MFHAS1: variants seen among roughly 807,000 people sequenced by gnomAD.
MFHAS1 encodes multifunctional ROCO family signaling regulator 1.
A neutral mutation model predicts 70.4 loss-of-function variants in MFHAS1; 50 were observed. That is an observed-to-expected ratio of 0.71 (90% confidence interval 0.57 to 0.90). The LOEUF is 0.90. MFHAS1 is among the 40% of genes least tolerant of loss of function. MFHAS1 has a pLI of 0.00. For synonymous variants in MFHAS1, 952 were observed against 620.0 expected (o/e 1.54, Z -7.96); for missense variants, 1,795 against 1,347.6 (o/e 1.33, Z -5.20).
chr8:8,850,087 G>A (rs1219920546), intron 1 of MFHAS1, among the ~76,000 whole-genome samples: 3 of 152,192 alleles, frequency 2.0e-5, no homozygotes, highest in Non-Finnish European at 4.4e-5. Context: ...TATGATTCTT[G>A]ACTAGGTTTG....
chr8:8,893,008 G>A lies in MFHAS1; in HGVS notation c.51C>T (p.Asp17=), dbSNP rs1406019488. The A allele has an allele frequency of 6.5e-7, 1 of 1,534,240 alleles. No homozygotes were observed. The highest frequency in any genetic ancestry group is 1.4e-5 in the African/African-American group (1 of 70,190). Residue 17 remains aspartate, a synonymous_variant, in exon 1 of 3, where the codon GAC becomes GAT. Transcript: ENST00000276282. ...GCAGCTTCCTGGCACGCAGGGCGGC[G>A]TCCCGCCACAGCCTCGCGGTCTTCA... ...GNLKTARLWR[D]AALRARKLRS... is the part of the protein sequence containing the mutation.
chr8:8,794,828 G>A (rs936882570), intron 2 of MFHAS1, among the ~76,000 whole-genome samples: 3 of 152,110 alleles, frequency 2.0e-5, no homozygotes, highest in African/African-American at 7.2e-5. Context: ...GATGTCTGGC[G>A]CCATGTACCG....
chr8:8,867,528 A>G (rs995134964), intron 1 of MFHAS1, among the ~76,000 whole-genome samples: 1 of 152,092 alleles, frequency 6.6e-6, no homozygotes, highest in Non-Finnish European at 1.5e-5. Context: ...CACGCCAATA[A>G]GCTAATGATA....
chr8:8,845,645 T>G (rs1234078044), intron 1 of MFHAS1, among the ~76,000 whole-genome samples: 1 of 152,212 alleles, frequency 6.6e-6, no homozygotes, highest in African/African-American at 2.4e-5. Context: ...TGACTTAATA[T>G]TTCCCTATCT....
rs1386606783 is a variant in MFHAS1 at position 8,784,669 on chromosome 8, C to T, written c.*1353G>A. ...GTAAAAGAGTAGCGAGTACCAGCAA[C>T]TCACTCTTCTTGTCTGAGGCTGGCG... On this transcript the variant is annotated 3_prime_UTR_variant, in exon 3 of 3. Transcript: ENST00000276282. 1 of 152,176 alleles carries T rather than the reference C, an allele frequency of 6.6e-6. No homozygotes were observed. The highest frequency in any genetic ancestry group is 1.9e-4 in the East Asian group (1 of 5,200). 9.4% of individuals were successfully genotyped at this position (152,176 alleles called of 1,614,324 possible).
intron 1 of MFHAS1, among the ~76,000 whole-genome samples, chr8:8,855,714 G>T (rs564770693): frequency 1.2e-3 from 178 of 152,174 alleles, no homozygotes; most frequent in Non-Finnish European, 2.3e-3. Flanking sequence ...AATTTAGCCA[G>T]GCATGGTGGC....
At chr8:8,797,007 A>T (rs1424422673) in intron 2 of MFHAS1, among the ~76,000 whole-genome samples, 4 of 152,144 alleles carry the variant, frequency 2.6e-5, no homozygotes, top group African/African-American at 9.7e-5. Flanking sequence ...AAAAACAACA[A>T]CAAAAAAAAT....
chr8:8,785,091 C>T lies in MFHAS1; in HGVS notation c.*931G>A, dbSNP rs1805490477. 6.6e-6 allele frequency: 1 copy of T among 152,140 alleles called. No individual in the cohort carries two copies. The highest frequency in any genetic ancestry group is 1.5e-5 in the Non-Finnish European group (1 of 68,032). The allele number at this position is 152,140 out of a possible 1,614,324, so 9.4% of individuals were successfully genotyped here. A position where few individuals can be genotyped will look rare whatever the true frequency, so the allele number is the denominator to read the frequency against. On this transcript the variant is annotated 3_prime_UTR_variant, in exon 3 of 3. Coordinates refer to ENST00000276282, the MANE Select transcript of MFHAS1 (RefSeq NM_004225.3). ...TCTGCTAAGTAAGGTACTTATTAAG[C>T]AGAGCACTTTGTAAGATTCAGAACT...
chr8:8,828,681 C>T lies in MFHAS1; in HGVS notation c.2999-31190G>A, dbSNP rs114131430. Among the ~76,000 whole-genome samples, 1,128 of 152,340 alleles carry T rather than the reference C, an allele frequency of 7.4e-3. 12 individuals carry two copies. Among genetic ancestry groups the T allele is most frequent in the African/African-American group, 0.025 (1,052 of 41,566 alleles). On this transcript the variant is annotated intron_variant, in intron 1 of 2. Transcript: ENST00000276282. Reference sequence around the variant, plus strand: ...AAGAAGGAATAACTGGAGATGCCCACTGCCCACTAAGCAGTGACACTCTGT... The same window carrying T: ...AAGAAGGAATAACTGGAGATGCCCATTGCCCACTAAGCAGTGACACTCTGT...
intron 1 of MFHAS1, 126 bp from the exon 2 acceptor site, chr8:8,797,617 T>G (rs80327604): frequency 0.015 from 16,419 of 1,062,032 alleles, 319 homozygotes; most frequent in South Asian, 0.068. Flanking sequence ...ACGAAGGATG[T>G]GAGAACAAAT....
intron 1 of MFHAS1, among the ~76,000 whole-genome samples, chr8:8,832,313 C>T (rs1585041182): frequency 6.6e-6 from 1 of 151,718 alleles, no homozygotes; most frequent in Non-Finnish European, 1.5e-5. Context: ...GTTTGTAATA[C>T]ATACATCTGG....
intron 1 of MFHAS1, among the ~76,000 whole-genome samples, chr8:8,840,502 G>A (rs1807779113): frequency 6.6e-6 from 1 of 151,248 alleles, no homozygotes; most frequent in Admixed American, 6.6e-5. Flanking sequence ...ATTACCATCT[G>A]GAACATCTTG....
chr8:8,830,069 C>G (rs774653401), intron 1 of MFHAS1, among the ~76,000 whole-genome samples: 1 of 152,130 alleles, frequency 6.6e-6, no homozygotes, highest in Non-Finnish European at 1.5e-5. Context: ...AGTCCAGGGA[C>G]CACATTTGAA....
At chr8:8,860,447 A>G (rs1276126803) in intron 1 of MFHAS1, among the ~76,000 whole-genome samples, 6 of 152,212 alleles carry the variant, frequency 3.9e-5, no homozygotes, top group African/African-American at 1.4e-4. Context: ...GTTCCTTTCC[A>G]TTTTGCTGGC....
intron 1 of MFHAS1, among the ~76,000 whole-genome samples, chr8:8,842,948 G>C (rs917394906): frequency 2.0e-5 from 3 of 152,228 alleles, no homozygotes; most frequent in African/African-American, 7.2e-5. Flanking sequence ...AAAAACAAAA[G>C]AGTAGTATCT....
chr8:8,891,490 G>C lies in MFHAS1; in HGVS notation c.1569C>G (p.Val523=). Residue 523 remains valine, a synonymous_variant, in exon 1 of 3, where the codon GTC becomes GTG. Transcript: ENST00000276282. This position sits in a 1 kb window ranked among gnomAD's most constrained non-coding sequence, Gnocchi z 5.4. ...PTTVGSFLHR[V]GARVPHAVVC... is the part of the protein sequence containing the mutation. ...CCACCGCGTGGGGCACTCTCGCCCC[G>C]ACCCGATGCAAGAAGGAGCCCACGG... 1.2e-6 allele frequency: 2 copies of C among 1,613,062 alleles called. No individual in the cohort carries two copies. Among genetic ancestry groups the C allele is most frequent in the Non-Finnish European group, 1.7e-6 (2 of 1,180,024 alleles).
chr8:8,820,171 G>A (rs992037839), intron 1 of MFHAS1, among the ~76,000 whole-genome samples: 1 of 152,000 alleles, frequency 6.6e-6, no homozygotes, highest in African/African-American at 2.4e-5. Context: ...TAAATATAAA[G>A]ATGTGCAAAG....
At chr8:8,842,967 T>A (rs1807887330) in intron 1 of MFHAS1, among the ~76,000 whole-genome samples, 1 of 152,208 alleles carries the variant, frequency 6.6e-6, no homozygotes, top group African/African-American at 2.4e-5. Flanking sequence ...CTGGTTAGCA[T>A]CTAAGAAAGC....
chr8:8,791,280 A>G (rs1220910099), intron 2 of MFHAS1, among the ~76,000 whole-genome samples: 1 of 152,186 alleles, frequency 6.6e-6, no homozygotes, highest in Non-Finnish European at 1.5e-5. Flanking sequence ...CCATCAGGAA[A>G]TAAGAGTGAC....
Sources: allele counts gnomAD v4.1 joint callset (sites outside exome capture counted in the v4.1 genomes callset), GRCh38; gene constraint gnomAD v4.1.1; non-coding constraint Gnocchi (gnomAD v3.1); transcripts MANE v1.5; gene names NCBI Gene and HGNC (gene_info 2026-07-23, HGNC 2026-07-21).